ZKSCAN5: variants seen among roughly 807,000 people sequenced by gnomAD.
ZKSCAN5 encodes zinc finger with KRAB and SCAN domains 5.
In ZKSCAN5, 28 loss-of-function variants were observed where a neutral mutation model predicts 60.0. The observed-to-expected ratio is 0.47, with a 90% CI of 0.35 to 0.64. The LOEUF is 0.64. Among genes scored for constraint, ZKSCAN5 ranks in the 30% least tolerant of loss-of-function variants. The probability of loss-of-function intolerance (pLI) is 0.01; values close to 1 mark genes in which losing one functional copy is unlikely to be tolerated. For synonymous variants in ZKSCAN5, 361 were observed against 371.2 expected, an observed-to-expected ratio of 0.97 and a Z score of 0.31; for missense variants, 881 against 1,034.6, an observed-to-expected ratio of 0.85 and a Z score of 2.04.
At chr7:99,505,259 T>C (rs911476964) in intron 1 of ZKSCAN5, 3 of 152,010 alleles carry the variant, frequency 2.0e-5, no homozygotes, top group Non-Finnish European at 4.4e-5. Flanking sequence ...AGATTGGACT[T>C]GGTTACTTCC....
intron 2 of ZKSCAN5, among the ~76,000 whole-genome samples, chr7:99,509,780 T>A (rs914199167): frequency 3.9e-5 from 6 of 152,182 alleles, no homozygotes; most frequent in African/African-American, 1.4e-4. Context: ...CATATATTTT[T>A]AAAGATTATT....
chr7:99,533,738 C>T lies in ZKSCAN5; in HGVS notation c.*1489C>T, dbSNP rs961990266. 4.3e-5 allele frequency: 17 copies of T among 398,370 alleles called. No homozygotes were observed. Among genetic ancestry groups the T allele is most frequent in the Admixed American group, 8.8e-5 (2 of 22,768 alleles). The allele number at this position is 398,370 out of a possible 1,614,324, so 24.7% of individuals were successfully genotyped here. ...CCAAGCTAGACTTTTTCTGAGCCTT[C>T]ATCCGTGCTAAGCTCTCTCCCTTCT... is the stretch of plus-strand genomic sequence containing the variant. On this transcript the variant is annotated 3_prime_UTR_variant, in exon 7 of 7. Coordinates refer to ENST00000326775, the MANE Select transcript of ZKSCAN5 (RefSeq NM_145102.4).
intron 4 of ZKSCAN5, 50 bp from the exon 5 acceptor site, chr7:99,520,119 C>G: frequency 6.2e-7 from 1 of 1,602,802 alleles, no homozygotes; most frequent in Non-Finnish European, 8.5e-7. Context: ...TCCCCTCACT[C>G]CAAATTTGGA....
At chr7:99,519,004 C>T (rs1376190911) in intron 3 of ZKSCAN5, among the ~76,000 whole-genome samples, 2 of 136,780 alleles carry the variant, frequency 1.5e-5, no homozygotes, top group African/African-American at 2.8e-5. Flanking sequence ...GAGACGGAGT[C>T]TTGCTCTGTC....
chr7:99,515,430 A>G (rs938518205), intron 3 of ZKSCAN5, among the ~76,000 whole-genome samples: 3 of 151,874 alleles, frequency 2.0e-5, no homozygotes, highest in Non-Finnish European at 4.4e-5. Flanking sequence ...AAAACTGCTC[A>G]GAAAAGAAAT....
intron 6 of ZKSCAN5, 60 bp from the exon 7 acceptor site, chr7:99,531,047 AC>A (rs2151119208): frequency 7.0e-7 from 1 of 1,437,428 alleles, no homozygotes. Context: ...ACAGAGCAAG[AC>A]CCCATCTCAA....
In ZKSCAN5 at chr7:99,533,488, G is replaced by C. The variant is rs1802143321; in HGVS notation, c.*1239G>C. The stretch of plus-strand genomic sequence containing the variant: ...GTTGTACACTGTGGTGCCCTGTCCA[G>C]TCCCCTCTACCAAGCTGAGACCCCC... On this transcript the variant is annotated 3_prime_UTR_variant, in exon 7 of 7. Coordinates refer to ENST00000326775, the MANE Select transcript of ZKSCAN5 (RefSeq NM_145102.4). The C allele has an allele frequency of 9.3e-6, 4 of 429,532 alleles. No homozygotes were observed. The highest frequency in any genetic ancestry group is 4.0e-5 in the African/African-American group (2 of 50,266). The allele number at this position is 429,532 out of a possible 1,614,324, so 26.6% of individuals were successfully genotyped here. A position where few individuals can be genotyped will look rare whatever the true frequency, so the allele number is the denominator to read the frequency against.
intron 2 of ZKSCAN5, among the ~76,000 whole-genome samples, chr7:99,510,590 A>G (rs1800977854): frequency 6.6e-6 from 1 of 151,880 alleles, no homozygotes; most frequent in Admixed American, 6.6e-5. Flanking sequence ...GATTACTGGC[A>G]TGTACCACCA....
chr7:99,532,167 G>A lies in ZKSCAN5; in HGVS notation c.2438G>A (p.Ser813Asn), dbSNP rs138236902. The change falls in exon 7 of 7, where the codon AGT (serine) becomes AAT (asparagine). Residue 813 changes from serine (S) to asparagine (N), a missense_variant. Around this residue, in one of 5 missense-constraint regions of ZKSCAN5, gnomAD observed 138 missense variants for 143.8 expected, o/e 0.96. Coordinates refer to ENST00000326775, the MANE Select transcript of ZKSCAN5 (RefSeq NM_145102.4). ...GAATGTGGAATGAATTTCAGCTGGA[G>A]TTGTAGCCTCTTTAAACACCTGAGA... ...CKECGMNFSW[S>N]CSLFKHLRSH... is the part of the protein sequence containing the mutation. 2.5e-5 allele frequency: 40 copies of A among 1,613,634 alleles called. 1 individual carries two copies. In the African/African-American group the frequency reaches 4.7e-4, roughly 19 times the overall value.
At position 99,532,226 on chromosome 7, in the gene ZKSCAN5, A is replaced by C. The variant is rs1250558500; in HGVS notation, c.2497A>C (p.Ser833Arg). ...GAGGACAGATCCCATAAATACCTTA[A>C]GTGTAGAGGGGTCTCTGTTGTAGAA... ...HERTDPINTL[S>R]VEGSLL Residue 833 changes from serine to arginine, a missense_variant, in exon 7 of 7, where the codon AGT becomes CGT. Ser to Arg is a moderately radical substitution (Grantham distance 110, BLOSUM62 -1). Around this residue, in one of 5 missense-constraint regions of ZKSCAN5, gnomAD observed 138 missense variants for 143.8 expected, o/e 0.96. Transcript: ENST00000326775. 5.0e-6 allele frequency: 8 copies of C among 1,593,416 alleles called. No homozygotes were observed. The highest frequency in any genetic ancestry group is 6.8e-6 in the Non-Finnish European group (8 of 1,173,178).
rs370844290 is a variant in ZKSCAN5 at position 99,529,298 on chromosome 7, C to T, written c.1379-1810C>T. ...TGGGACTACAGGCACCTACCACGAT[C>T]CCTTGCTAATTTTTGTATGTTTAGT... On this transcript the variant is annotated intron_variant, in intron 6 of 6. Coordinates refer to ENST00000326775, the MANE Select transcript of ZKSCAN5 (RefSeq NM_145102.4). Among the ~76,000 whole-genome samples, 6 of 151,944 alleles carry T rather than the reference C, an allele frequency of 3.9e-5. No homozygotes were observed. The East Asian group carries it at 7.8e-4, about 20-fold the overall frequency.
At chr7:99,514,478 G>A (rs1303385569) in intron 3 of ZKSCAN5, among the ~76,000 whole-genome samples, 2 of 152,156 alleles carry the variant, frequency 1.3e-5, no homozygotes, top group Admixed American at 6.6e-5. Flanking sequence ...AGGTGTTAGC[G>A]ATCTTTTTGG....
In ZKSCAN5 at chr7:99,531,435, G is replaced by T. The variant is rs1163539132; in HGVS notation, c.1706G>T (p.Arg569Ile). ...AGTGCACATCTTATTCAACATCAAA[G>T]AATACACACTGGGGAGAAACCATTC... The part of the protein sequence containing the change: ...IQSAHLIQHQ[R>I]IHTGEKPFRC... Residue 569 changes from arginine to isoleucine, a missense_variant, in exon 7 of 7, where the codon AGA becomes ATA. Physicochemically the swap from Arg to Ile is moderately conservative, Grantham distance 97. Transcript: ENST00000326775. 1 of 1,614,192 alleles carries T rather than the reference G, an allele frequency of 6.2e-7. No homozygotes were observed. The highest frequency in any genetic ancestry group is 8.5e-7 in the Non-Finnish European group (1 of 1,180,038).
intron 6 of ZKSCAN5, among the ~76,000 whole-genome samples, chr7:99,530,453 T>G (rs1801992325): frequency 6.6e-6 from 1 of 152,308 alleles, no homozygotes; most frequent in Admixed American, 6.5e-5. Context: ...TTGTTGGTCA[T>G]TTGTATATAT....
chr7:99,510,330 C>T (rs1442438545), intron 2 of ZKSCAN5, among the ~76,000 whole-genome samples: 1 of 152,032 alleles, frequency 6.6e-6, no homozygotes, highest in Non-Finnish European at 1.5e-5. Context: ...ACCTCTGCCT[C>T]CGGGTTGATT....
At chr7:99,524,919 A>G (rs1363927561) in intron 5 of ZKSCAN5, among the ~76,000 whole-genome samples, 1 of 152,078 alleles carries the variant, frequency 6.6e-6, no homozygotes, top group Non-Finnish European at 1.5e-5. Context: ...CTGTAATCCC[A>G]GCACTTTGGG....
Position 99,506,143 on chromosome 7 carries a change from A to C in ZKSCAN5, c.99A>C (p.Glu33Asp), listed in dbSNP as rs1181331312. 2 of 1,614,190 alleles carry C rather than the reference A, an allele frequency of 1.2e-6. No homozygotes were observed. The highest frequency in any genetic ancestry group is 2.2e-5 in the South Asian group (2 of 91,086). The stretch of plus-strand genomic sequence containing the variant: ...TTTTCATAGTGAAGGTGGAAGAAGA[A>C]GACTGCACCTGGATGCAGGAGTACA... ...EDLFIVKVEE[E>D]DCTWMQEYNP... Residue 33 changes from glutamate to aspartate, a missense_variant, in exon 2 of 7, where the codon GAA (glutamate) becomes GAC (aspartate). This residue lies in a region of ZKSCAN5 where 88 missense variants were observed against 65.2 expected (regional missense o/e 1.35). Transcript: ENST00000326775.
intron 2 of ZKSCAN5, among the ~76,000 whole-genome samples, chr7:99,506,849 A>ATTTTTTTTTTT (rs34098119): frequency 6.4e-5 from 8 of 125,918 alleles, no homozygotes; most frequent in African/African-American, 2.4e-4. Flanking sequence ...GGCCCGGCTA[A>ATTTTTTTTTTT]TTTTTTTTTT....
rs150891433 is a variant in ZKSCAN5 at position 99,529,949 on chromosome 7, T to C, written c.1379-1159T>C. On this transcript the variant is annotated intron_variant, in intron 6 of 6. Coordinates refer to ENST00000326775, the MANE Select transcript of ZKSCAN5 (RefSeq NM_145102.4). ...TGGGGTTTCACTGTCTTGGTCAGGC[T>C]GGTCTTGAATTCCTGACCTCGTGAT... Among the ~76,000 whole-genome samples, 841 of 151,446 alleles carry C rather than the reference T, an allele frequency of 5.6e-3. 6 individuals are homozygous for C. The highest frequency in any genetic ancestry group is 0.02 in the African/African-American group (809 of 41,224).
Sources: allele counts gnomAD v4.1 joint callset (sites outside exome capture counted in the v4.1 genomes callset), GRCh38; gene constraint gnomAD v4.1.1; regional missense constraint gnomAD v4.1.1; transcripts MANE v1.5; gene names NCBI Gene and HGNC (gene_info 2026-07-23, HGNC 2026-07-21).